OLFM2: variants seen among roughly 807,000 people sequenced by gnomAD.
The protein encoded by OLFM2 is olfactomedin 2.
In OLFM2, 20 loss-of-function variants were observed where a neutral mutation model predicts 43.9. The observed-to-expected ratio is 0.46, with a 90% CI of 0.32 to 0.66. The LOEUF is 0.66. Ranked by LOEUF, OLFM2 falls within the 30% of genes least tolerant of loss-of-function variation. OLFM2 has a pLI of 0.04. For missense variants in OLFM2, 416 were observed against 643.6 expected (o/e 0.65, Z 3.83); for synonymous variants, 268 against 278.6 (o/e 0.96, Z 0.38).
At chr19:9,903,967 T>C (rs1198916639) in intron 1 of OLFM2, among the ~76,000 whole-genome samples, 1 of 152,096 alleles carries the variant, frequency 6.6e-6, no homozygotes, top group Non-Finnish European at 1.5e-5. Flanking sequence ...ACCAGATTTG[T>C]CATTATACTG....
At position 9,933,953 on chromosome 19, in the gene OLFM2, C is replaced by T. The variant is rs537512403; in HGVS notation, c.63+2351G>A. Among the ~76,000 whole-genome samples, 45 of 152,278 alleles carry T rather than the reference C, an allele frequency of 3.0e-4. 1 individual carries two copies. In the South Asian group the frequency reaches 8.9e-3, roughly 30 times the overall value. On this transcript the variant is annotated intron_variant, in intron 1 of 5. Coordinates refer to ENST00000264833, the MANE Select transcript of OLFM2 (RefSeq NM_058164.4). ...GCCGACACCGTATTACATGGTTATT[C>T]GGCTCTTTTCTGTCTCCTCTGCTAG...
In OLFM2 at chr19:9,913,752, A is replaced by AGGGGGTCC. The variant is rs1166820752; in HGVS notation, c.63+22544_63+22551dup. On this transcript the variant is annotated intron_variant, in intron 1 of 5. Coordinates refer to ENST00000264833, the MANE Select transcript of OLFM2 (RefSeq NM_058164.4). ...GGGGCACGAGCGCGAGCTGCGGGGC[A>AGGGGGTCC]GGGGGTCCGGGACGGGGTGAGGGGG... 3 of 779,532 alleles carry AGGGGGTCC rather than the reference A, an allele frequency of 3.8e-6. No homozygotes were observed. In the African/African-American group the frequency reaches 6.0e-5, roughly 16 times the overall value. 48.3% of individuals were successfully genotyped at this position (779,532 alleles called of 1,614,324 possible).
At chr19:9,933,138 G>C (rs2086494103) in intron 1 of OLFM2, among the ~76,000 whole-genome samples, 2 of 152,032 alleles carry the variant, frequency 1.3e-5, no homozygotes, top group Non-Finnish European at 2.9e-5. Context: ...CACCCACAAG[G>C]CTCCCTCTCT....
intron 1 of OLFM2, among the ~76,000 whole-genome samples, chr19:9,897,870 T>G (rs1205444934): frequency 6.6e-6 from 1 of 152,016 alleles, no homozygotes; most frequent in Non-Finnish European, 1.5e-5. Context: ...GTGACCTGTC[T>G]GATGTCTGTT....
At chr19:9,883,101 T>C (rs1599479190) in intron 1 of OLFM2, among the ~76,000 whole-genome samples, 2 of 150,174 alleles carry the variant, frequency 1.3e-5, no homozygotes, top group Non-Finnish European at 3.0e-5. Flanking sequence ...TCCCAGCTAC[T>C]TGGGAGGCTG....
At chr19:9,915,807 C>T (rs1476276930) in intron 1 of OLFM2, among the ~76,000 whole-genome samples, 7 of 152,060 alleles carry the variant, frequency 4.6e-5, no homozygotes, top group East Asian at 1.9e-4. Context: ...CGTGAACCAC[C>T]GCGCCTGGCG....
chr19:9,863,150 G>C (rs1477734431), intron 1 of OLFM2, among the ~76,000 whole-genome samples: 1 of 152,134 alleles, frequency 6.6e-6, no homozygotes, highest in Admixed American at 6.6e-5. Flanking sequence ...GTTCCAGGCA[G>C]AGAGAACAGC....
chr19:9,926,236 A>T (rs2086452079), intron 1 of OLFM2, among the ~76,000 whole-genome samples: 1 of 152,068 alleles, frequency 6.6e-6, no homozygotes, highest in South Asian at 2.1e-4. Context: ...CCATACATGG[A>T]ATATGATTCA....
chr19:9,899,626 C>CA (rs1206996290), intron 1 of OLFM2, among the ~76,000 whole-genome samples: 1 of 152,120 alleles, frequency 6.6e-6, no homozygotes, highest in Non-Finnish European at 1.5e-5. Context: ...AACCATGGCT[C>CA]ACTGCAGCCT....
rs1456281336 is a variant in OLFM2, at chr19:9,856,436, A to G, written c.687+371T>C. 6.6e-6 allele frequency among the ~76,000 whole-genome samples: 1 copy of G among 152,230 alleles called. No individual in the cohort carries two copies. Among genetic ancestry groups the G allele is most frequent in the Non-Finnish European group, 1.5e-5 (1 of 68,040 alleles). On this transcript the variant is annotated intron_variant, in intron 5 of 5. Transcript: ENST00000264833. The surrounding 1 kb of genome is among the most constrained non-coding windows in gnomAD (Gnocchi z 4.0). ...TTGTGTGTCTAAGTGATGGGCAGTCATGACCATGGAAGCTACTAGAAGTCC... is the reference window on the plus strand; with the variant it reads ...TTGTGTGTCTAAGTGATGGGCAGTCGTGACCATGGAAGCTACTAGAAGTCC...
chr19:9,865,518 G>A (rs1235187725), intron 1 of OLFM2, among the ~76,000 whole-genome samples: 1 of 133,320 alleles, frequency 7.5e-6, no homozygotes, highest in East Asian at 2.1e-4. Flanking sequence ...TTGAGAGGGA[G>A]TCTTGCTCTG....
intron 1 of OLFM2, among the ~76,000 whole-genome samples, chr19:9,905,217 G>C (rs2046775139): frequency 6.6e-6 from 1 of 152,154 alleles, no homozygotes; most frequent in South Asian, 2.1e-4. Flanking sequence ...CAGCACTTTG[G>C]GAGGCCGAGG....
At chr19:9,922,197 T>C (rs998873539) in intron 1 of OLFM2, among the ~76,000 whole-genome samples, 11 of 152,102 alleles carry the variant, frequency 7.2e-5, no homozygotes, top group African/African-American at 2.7e-4. Context: ...TTTGCAGTCA[T>C]TATGTCCAAT....
chr19:9,856,883 G>A lies in OLFM2; in HGVS notation c.611C>T (p.Pro204Leu), dbSNP rs2046323031. 1.9e-6 allele frequency: 3 copies of A among 1,612,482 alleles called. No homozygotes were observed. Among genetic ancestry groups the A allele is most frequent in the East Asian group, 2.2e-5 (1 of 44,858 alleles). ...GGACCCCATGGCCCGAACGGTGATGGGGTTACTGACCCCGGTCAGCTTCCC... is the reference window on the plus strand; with the variant it reads ...GGACCCCATGGCCCGAACGGTGATGAGGTTACTGACCCCGGTCAGCTTCCC... ...GCGKLTGVSN[P>L]ITVRAMGSRF... Residue 204 changes from proline to leucine, a missense_variant, in exon 5 of 6, where the codon CCC becomes CTC. Pro to Leu is a moderately conservative substitution (Grantham distance 98). Coordinates refer to ENST00000264833, the MANE Select transcript of OLFM2 (RefSeq NM_058164.4). This position sits in a 1 kb window ranked among gnomAD's most constrained non-coding sequence, Gnocchi z 4.0.
chr19:9,872,612 G>A (rs2046451597), intron 1 of OLFM2, among the ~76,000 whole-genome samples: 1 of 152,152 alleles, frequency 6.6e-6, no homozygotes, highest in Non-Finnish European at 1.5e-5. Context: ...GTTTTGCCTG[G>A]AAGAGCCTTG....
At chr19:9,907,809 G>A (rs777233183) in intron 1 of OLFM2, among the ~76,000 whole-genome samples, 12 of 152,056 alleles carry the variant, frequency 7.9e-5, no homozygotes, top group Non-Finnish European at 1.2e-4. Context: ...TTGGAGACCA[G>A]CCTGGCCAAC....
chr19:9,895,595 ACT>A (rs1286286249), intron 1 of OLFM2, among the ~76,000 whole-genome samples: 1 of 151,804 alleles, frequency 6.6e-6, no homozygotes, highest in African/African-American at 2.4e-5. Flanking sequence ...CTTGCTAGTA[ACT>A]CTACACATGG....
At chr19:9,863,925 CT>C (rs1260531931) in intron 1 of OLFM2, among the ~76,000 whole-genome samples, 2 of 152,288 alleles carry the variant, frequency 1.3e-5, no homozygotes, top group East Asian at 3.8e-4. Flanking sequence ...GGAACCCCCT[CT>C]TTGTAAGTTG....
chr19:9,856,184 T>TCC lies in OLFM2; in HGVS notation c.687+622_687+623insGG, dbSNP rs1568365638. Among the ~76,000 whole-genome samples, 11 of 152,262 alleles carry TCC rather than the reference T, an allele frequency of 7.2e-5. No homozygotes were observed. Among genetic ancestry groups the TCC allele is most frequent in the Admixed American group, 7.2e-4 (11 of 15,300 alleles). On this transcript the variant is annotated intron_variant, in intron 5 of 5. Transcript: ENST00000264833. This position sits in a 1 kb window ranked among gnomAD's most constrained non-coding sequence, Gnocchi z 4.0. ...TGCGATCTTGGCTCACTGCAACCTC[T>TCC]GCCTCCAGGGTTCAAGTGATTCTCC...
Sources: gnomAD v4.1 joint callset for allele counts (sites outside exome capture counted in the v4.1 genomes callset) on GRCh38, gnomAD v4.1.1 for gene constraint, Gnocchi (gnomAD v3.1) non-coding constraint, MANE v1.5 for transcripts, NCBI Gene and HGNC (gene_info 2026-07-23, HGNC 2026-07-21) for gene names.